CRISP1: variants seen among roughly 807,000 people sequenced by gnomAD.
CRISP1 encodes cysteine rich secretory protein 1, also known as cysteine-rich secretory protein 1.
Under a neutral mutation model 33.1 loss-of-function variants are expected in CRISP1, and 44 were observed. That is an observed-to-expected ratio of 1.33 (90% CI 1.05 to 1.71). CRISP1 has a LOEUF of 1.71. Among genes scored for constraint, CRISP1 ranks in the 40% most tolerant of loss-of-function variants. The probability of loss-of-function intolerance (pLI) is 0.00; values close to 1 mark genes in which losing one functional copy is unlikely to be tolerated. For missense variants in CRISP1, 390 were observed against 301.2 expected, an observed-to-expected ratio of 1.29 and a Z score of -2.18; for synonymous variants, 103 against 98.7, an observed-to-expected ratio of 1.04 and a Z score of -0.26.
rs369704985 is a variant in CRISP1 at position 49,835,279 on chromosome 6, A to C, written c.*37T>G. The C allele has an allele frequency of 2.5e-6, 4 of 1,602,526 alleles. No homozygotes were observed. The East Asian group carries it at 9.0e-5, about 36-fold the overall frequency. ...TGAATCCAACAGACATCTCCTCCTCATCGTCACAGCATAGAACAGTTGAAA... is the reference window on the plus strand; with the variant it reads ...TGAATCCAACAGACATCTCCTCCTCCTCGTCACAGCATAGAACAGTTGAAA... On this transcript the variant is annotated 3_prime_UTR_variant, in exon 8 of 8. Coordinates refer to ENST00000335847, the MANE Select transcript of CRISP1 (RefSeq NM_001131.3).
At chr6:49,854,783 T>TG (rs1205421929) in intron 2 of CRISP1, among the ~76,000 whole-genome samples, 1 of 152,172 alleles carries the variant, frequency 6.6e-6, no homozygotes, top group Non-Finnish European at 1.5e-5. Context: ...AGGCAATGTC[T>TG]GGGGAAATTT....
intron 7 of CRISP1, 148 bp from the exon 8 acceptor site, chr6:49,835,591 T>C (rs541707295): frequency 8.1e-6 from 6 of 741,530 alleles, no homozygotes; most frequent in South Asian, 4.5e-5. Context: ...TAAATCTGAA[T>C]GCAAAACAGG....
chr6:49,865,838 A>C (rs1370166226), intron 1 of CRISP1, among the ~76,000 whole-genome samples: 1 of 152,198 alleles, frequency 6.6e-6, no homozygotes, highest in Non-Finnish European at 1.5e-5. Context: ...GAAAGACTGC[A>C]GAAAGAAGTT....
chr6:49,858,936 A>G (rs1771568985), intron 1 of CRISP1, among the ~76,000 whole-genome samples: 1 of 152,160 alleles, frequency 6.6e-6, no homozygotes, highest in Non-Finnish European at 1.5e-5. Flanking sequence ...CAGATAAGTG[A>G]CATGAAACAC....
chr6:49,854,568 A>T (rs1018087337), intron 2 of CRISP1, among the ~76,000 whole-genome samples: 2 of 152,142 alleles, frequency 1.3e-5, no homozygotes, highest in Non-Finnish European at 2.9e-5. Context: ...TAAACAAGCA[A>T]CCATCATTTC....
chr6:49,849,181 A>G (rs927509059), intron 3 of CRISP1, among the ~76,000 whole-genome samples: 5 of 152,244 alleles, frequency 3.3e-5, no homozygotes, highest in East Asian at 3.9e-4. Context: ...TGATCTCCCT[A>G]ACAGTCTCCT....
chr6:49,844,815 C>G (rs771632275), intron 5 of CRISP1, among the ~76,000 whole-genome samples: 3 of 152,136 alleles, frequency 2.0e-5, no homozygotes, highest in African/African-American at 7.2e-5. Context: ...CTATGCCTGT[C>G]TTTCTGTTGT....
At chr6:49,875,077 A>T (rs1027155291) in intron 1 of CRISP1, among the ~76,000 whole-genome samples, 1 of 152,040 alleles carries the variant, frequency 6.6e-6, no homozygotes, top group African/African-American at 2.4e-5. Context: ...AGGCAAGAGA[A>T]GAAAATAAAG....
At chr6:49,865,877 G>C (rs1385076924) in intron 1 of CRISP1, among the ~76,000 whole-genome samples, 1 of 152,140 alleles carries the variant, frequency 6.6e-6, no homozygotes, top group African/African-American at 2.4e-5. Context: ...GCCCGCTGGG[G>C]CCCATCACTA....
chr6:49,840,382 G>C (rs1770944567), intron 6 of CRISP1, among the ~76,000 whole-genome samples: 1 of 152,172 alleles, frequency 6.6e-6, no homozygotes, highest in South Asian at 2.1e-4. Flanking sequence ...AATTTTTAAA[G>C]AGAAGACATG....
chr6:49,864,735 C>G (rs1183745648), intron 1 of CRISP1, among the ~76,000 whole-genome samples: 1 of 151,888 alleles, frequency 6.6e-6, no homozygotes, highest in African/African-American at 2.4e-5. Context: ...AATGTTTTTT[C>G]CATGGTTGTA....
At chr6:49,867,834 T>C (rs1369863503), upstream of CRISP1, among the ~76,000 whole-genome samples, 3 of 152,178 alleles carry the variant, frequency 2.0e-5, no homozygotes, top group African/African-American at 4.8e-5. Context: ...GAATTTTACA[T>C]GATCTTGAAA....
At chr6:49,836,912 A>G (rs1582252139) in intron 7 of CRISP1, among the ~76,000 whole-genome samples, 1 of 152,124 alleles carries the variant, frequency 6.6e-6, no homozygotes, top group Non-Finnish European at 1.5e-5. Flanking sequence ...TTTTTAAAAA[A>G]TCAATTACCT....
At chr6:49,861,777 C>T (rs1771660654) in intron 1 of CRISP1, among the ~76,000 whole-genome samples, 1 of 151,952 alleles carries the variant, frequency 6.6e-6, no homozygotes, top group Non-Finnish European at 1.5e-5. Context: ...CCTAGCTACT[C>T]AGGAGGTTGA....
At chr6:49,849,147 G>GT (rs1271450328) in intron 3 of CRISP1, among the ~76,000 whole-genome samples, 1 of 152,138 alleles carries the variant, frequency 6.6e-6, no homozygotes, top group East Asian at 1.9e-4. Flanking sequence ...TTCTGCATCT[G>GT]TAAGTATGAC....
upstream of CRISP1, among the ~76,000 whole-genome samples, chr6:49,867,252 T>G (rs1033596359): frequency 1.3e-5 from 2 of 152,098 alleles, no homozygotes; most frequent in African/African-American, 4.8e-5. Flanking sequence ...CATATGAGAA[T>G]AGAAAATTTA....
At chr6:49,864,420 G>T (rs1370678757) in intron 1 of CRISP1, among the ~76,000 whole-genome samples, 2 of 146,822 alleles carry the variant, frequency 1.4e-5, no homozygotes, top group African/African-American at 5.3e-5. Flanking sequence ...GTGTGTGTGT[G>T]TGTGTATGTG....
Position 49,846,639 on chromosome 6 carries a change from T to C in CRISP1, c.316A>G (p.Thr106Ala). ...CTTGACCATGATACAGGATAAGATG[T>C]CATATGCATATTTTCTCCACAAAAG... Reference protein sequence around the residue: ...NTFCGENMHMTSYPVSWSSVI... With the variant: ...NTFCGENMHMASYPVSWSSVI... The change falls in exon 5 of 8, where the codon ACA becomes GCA. Residue 106 changes from threonine to alanine, a missense_variant. Physicochemically the swap from Thr to Ala is moderately conservative, Grantham distance 58. Coordinates refer to ENST00000335847, the MANE Select transcript of CRISP1 (RefSeq NM_001131.3). The C allele has an allele frequency of 1.9e-6, 3 of 1,613,450 alleles. No individual in the cohort carries two copies. The highest frequency in any genetic ancestry group is 2.5e-6 in the Non-Finnish European group (3 of 1,179,610).
chr6:49,871,866 G>T (rs956441562), intron 1 of CRISP1, among the ~76,000 whole-genome samples: 33 of 152,052 alleles, frequency 2.2e-4, no homozygotes, highest in African/African-American at 8.0e-4. Context: ...ACATATGTGT[G>T]CACGTGTCTT....
Sources: gnomAD v4.1 joint callset for allele counts (sites outside exome capture counted in the v4.1 genomes callset) on GRCh38, gnomAD v4.1.1 for gene constraint, MANE v1.5 for transcripts, NCBI Gene and HGNC (gene_info 2026-07-23, HGNC 2026-07-21) for gene names.